Variants in PIGN observed in about 807,000 individuals in gnomAD.
PIGN encodes GPI ethanolamine phosphate transferase 1.
Under a neutral mutation model 125.4 loss-of-function variants are expected in PIGN, and 117 were observed. The ratio of observed to expected loss-of-function variants is 0.93; its 90% CI spans 0.80 to 1.09. PIGN has a LOEUF of 1.09. Among genes scored for constraint, PIGN ranks in the 50% least tolerant of loss-of-function variants. The probability of loss-of-function intolerance (pLI) is 0.00; values close to 1 mark genes in which losing one functional copy is unlikely to be tolerated. For synonymous variants in PIGN, 392 were observed against 377.8 expected (o/e 1.04, Z -0.44); for missense variants, 1,075 against 1,094.9 (o/e 0.98, Z 0.26).
At chr18:62,111,120 T>C (rs1483682794) in intron 16 of PIGN, among the ~76,000 whole-genome samples, 1 of 152,004 alleles carries the variant, frequency 6.6e-6, no homozygotes, top group Non-Finnish European at 1.5e-5. Context: ...AATTCAAGTG[T>C]CAGAAAATAT....
chr18:62,112,087 T>C (rs2034901128), intron 16 of PIGN, among the ~76,000 whole-genome samples: 2 of 152,264 alleles, frequency 1.3e-5, no homozygotes, highest in South Asian at 4.1e-4. Context: ...CAGCTTCAGC[T>C]TCCTTTTTTG....
At chr18:62,123,090 A>G (rs781016649) in intron 14 of PIGN, among the ~76,000 whole-genome samples, 9 of 152,090 alleles carry the variant, frequency 5.9e-5, no homozygotes, top group Admixed American at 3.3e-4. Context: ...CCTTGGCAAC[A>G]TTAGCCAAGC....
chr18:62,123,312 G>A (rs2035381234), intron 14 of PIGN, among the ~76,000 whole-genome samples: 1 of 152,092 alleles, frequency 6.6e-6, no homozygotes, highest in African/African-American at 2.4e-5. Context: ...TTGCTGAAAA[G>A]TTACATAAGT....
intron 14 of PIGN, among the ~76,000 whole-genome samples, chr18:62,117,026 G>A (rs1315454282): frequency 6.6e-6 from 1 of 151,948 alleles, no homozygotes; most frequent in African/African-American, 2.4e-5. Flanking sequence ...AAAGAAACAG[G>A]AGTCAGGGTA....
chr18:62,179,284 TCCC>T (rs144201128), intron 1 of PIGN, among the ~76,000 whole-genome samples: 2,639 of 152,238 alleles, frequency 0.017, 39 homozygotes, highest in South Asian at 0.031. Flanking sequence ...ATGTAAATGT[TCCC>T]CCATTTCATA....
chr18:62,133,410 T>C (rs1397558914), intron 14 of PIGN, among the ~76,000 whole-genome samples: 1 of 152,242 alleles, frequency 6.6e-6, no homozygotes, highest in Non-Finnish European at 1.5e-5. Context: ...TGTGTTCTGT[T>C]ATCTAGCAGA....
intron 30 of PIGN, among the ~76,000 whole-genome samples, chr18:62,057,374 A>G (rs2031806743): frequency 6.6e-6 from 1 of 152,182 alleles, no homozygotes; most frequent in Admixed American, 6.5e-5. Flanking sequence ...TTAAAAAACA[A>G]AACTAGGAGT....
At chr18:62,152,718 T>C (rs2036580281) in intron 7 of PIGN, among the ~76,000 whole-genome samples, 1 of 152,076 alleles carries the variant, frequency 6.6e-6, no homozygotes, top group African/African-American at 2.4e-5. Context: ...GGATACTCAA[T>C]GTCCGGTTTA....
chr18:62,109,156 T>A (rs1170661039), intron 17 of PIGN, among the ~76,000 whole-genome samples: 1 of 152,178 alleles, frequency 6.6e-6, no homozygotes, highest in Non-Finnish European at 1.5e-5. Context: ...GCAACATGAC[T>A]CCAGCTGCCA....
chr18:62,096,218 C>T (rs2034181454), intron 22 of PIGN, among the ~76,000 whole-genome samples: 1 of 151,938 alleles, frequency 6.6e-6, no homozygotes, highest in Non-Finnish European at 1.5e-5. Flanking sequence ...TCGCTTGAAC[C>T]CGGGAGGCAG....
At position 62,161,237 on chromosome 18, in the gene PIGN, C is replaced by A. The variant is rs986148241; in HGVS notation, c.117G>T (p.Leu39Phe). The A allele has an allele frequency of 1.6e-5, 26 of 1,613,550 alleles. No individual in the cohort carries two copies. The highest frequency in any genetic ancestry group is 1.8e-5 in the Non-Finnish European group (21 of 1,179,628). ...ACACTAATCTTCTCGCTGGAGGAGGCAATGGTGTAAACTGAGGAGTCATTC... is the reference window on the plus strand; with the variant it reads ...ACACTAATCTTCTCGCTGGAGGAGGAAATGGTGTAAACTGAGGAGTCATTC... The part of the protein sequence containing the change: ...VHGMTPQFTP[L>F]PPPARRLVLF... The change falls in exon 4 of 31, where the codon TTG becomes TTT. Residue 39 changes from leucine to phenylalanine, a missense_variant. Physicochemically the swap from Leu to Phe is conservative, Grantham distance 22. Transcript: ENST00000640252.
chr18:62,030,244 T>C (rs1372784096), intron 23 of PIGN, among the ~76,000 whole-genome samples: 1 of 152,236 alleles, frequency 6.6e-6, no homozygotes, highest in Non-Finnish European at 1.5e-5. Flanking sequence ...CAGGCCCTGT[T>C]GCAGAGGCCT....
At chr18:62,173,455 C>T (rs918679712) in intron 1 of PIGN, among the ~76,000 whole-genome samples, 6 of 152,132 alleles carry the variant, frequency 3.9e-5, no homozygotes, top group African/African-American at 1.4e-4. Context: ...TGGTCTTGAA[C>T]TCCTGGGCTG....
intron 11 of PIGN, among the ~76,000 whole-genome samples, chr18:62,141,942 TCCTACTG>T (rs1228099623): frequency 1.3e-5 from 2 of 152,178 alleles, no homozygotes; most frequent in African/African-American, 2.4e-5. Flanking sequence ...AAAGCCCTCC[TCCTACTG>T]CCTTGGCCTG....
downstream of PIGN, among the ~76,000 whole-genome samples, chr18:62,038,308 GTTTT>G (rs34436733): frequency 8.3e-6 from 1 of 120,088 alleles, no homozygotes; most frequent in African/African-American, 3.3e-5. Context: ...CCCCCTCCGT[GTTTT>G]TTTTTTTTTT....
chr18:62,100,289 T>C (rs529117648), intron 22 of PIGN, among the ~76,000 whole-genome samples: 7 of 152,278 alleles, frequency 4.6e-5, no homozygotes, highest in African/African-American at 9.6e-5. Flanking sequence ...CCAGTTAGAA[T>C]TGCTATTATC....
Position 62,161,377 on chromosome 18 carries a change from C to G in PIGN, c.-24G>C. 1 of 1,509,622 alleles carries G rather than the reference C, an allele frequency of 6.6e-7. No homozygotes were observed. 93.5% of individuals were successfully genotyped at this position (1,509,622 alleles called of 1,614,324 possible). The stretch of plus-strand genomic sequence containing the variant: ...ATATCCAGTGTAACTAATTAGTCTT[C>G]AAGAACAGCTGAAAGAGAGAACAAA... On this transcript the variant is annotated 5_prime_UTR_variant, in exon 4 of 31. Transcript: ENST00000640252.
At chr18:62,029,040 C>A (rs936705980) in intron 23 of PIGN, among the ~76,000 whole-genome samples, 1 of 152,174 alleles carries the variant, frequency 6.6e-6, no homozygotes, top group African/African-American at 2.4e-5. Flanking sequence ...CACTGGACTG[C>A]GGACATGGAG....
chr18:62,134,217 A>G (rs1429233107), intron 14 of PIGN, among the ~76,000 whole-genome samples: 1 of 151,544 alleles, frequency 6.6e-6, no homozygotes, highest in Admixed American at 6.6e-5. Flanking sequence ...ACATGGTGAA[A>G]CCCCATCTCT....
Sources: gnomAD v4.1 joint callset for allele counts (sites outside exome capture counted in the v4.1 genomes callset) on GRCh38, gnomAD v4.1.1 for gene constraint, MANE v1.5 for transcripts, NCBI Gene and HGNC (gene_info 2026-07-23, HGNC 2026-07-21) for gene names.